The following CSMD1 variants were observed in gnomAD, a reference collection of about 807,000 sequenced individuals.
CSMD1 encodes CUB and Sushi multiple domains 1, also known as CUB and sushi domain-containing protein 1.
A neutral mutation model predicts 417.5 loss-of-function variants in CSMD1; 213 were observed. The observed-to-expected ratio is 0.51, with a 90% CI of 0.46 to 0.57. CSMD1 has a LOEUF of 0.57. CSMD1 is among the 20% of genes least tolerant of loss of function. The pLI, the probability that CSMD1 is intolerant of heterozygous loss-of-function variation, is 0.00. For synonymous variants in CSMD1, 2,862 were observed against 1,736.8 expected, an observed-to-expected ratio of 1.65 and a Z score of -16.11; for missense variants, 6,923 against 4,529.7, an observed-to-expected ratio of 1.53 and a Z score of -15.17.
chr8:4,735,334 A>G (rs1810159703), intron 1 of CSMD1, among the ~76,000 whole-genome samples: 2 of 152,188 alleles, frequency 1.3e-5, no homozygotes, highest in South Asian at 4.1e-4. Context: ...TTACCAAGCC[A>G]GGATCTAAAC....
chr8:3,042,262 A>G (rs928254863), intron 50 of CSMD1, among the ~76,000 whole-genome samples: 3 of 152,076 alleles, frequency 2.0e-5, no homozygotes, highest in African/African-American at 4.8e-5. Context: ...GCACCCTCCT[A>G]TCTAGCACAG....
intron 1 of CSMD1, among the ~76,000 whole-genome samples, chr8:4,800,701 A>T (rs1288494456): frequency 6.6e-6 from 1 of 152,192 alleles, no homozygotes; most frequent in Non-Finnish European, 1.5e-5. Context: ...TAAGTTCTGC[A>T]GCAACCCTCA....
chr8:3,455,893 T>C (rs959958654), intron 12 of CSMD1, among the ~76,000 whole-genome samples: 1 of 152,240 alleles, frequency 6.6e-6, no homozygotes, highest in African/African-American at 2.4e-5. Context: ...TGTTTGGCTA[T>C]GCCCTGCCCC....
At chr8:3,468,500 G>A (rs923258310) in intron 12 of CSMD1, among the ~76,000 whole-genome samples, 1 of 152,108 alleles carries the variant, frequency 6.6e-6, no homozygotes, top group Admixed American at 6.5e-5. Flanking sequence ...GATAATCAGA[G>A]CACATATCAT....
chr8:4,000,397 G>A (rs1037270916), intron 4 of CSMD1, among the ~76,000 whole-genome samples: 1 of 152,144 alleles, frequency 6.6e-6, no homozygotes, highest in African/African-American at 2.4e-5. Context: ...TTGTATTTTT[G>A]AACAGAGATA....
At chr8:3,239,876 T>C (rs1208513647) in intron 26 of CSMD1, among the ~76,000 whole-genome samples, 5 of 151,956 alleles carry the variant, frequency 3.3e-5, no homozygotes, top group Admixed American at 3.3e-4. Flanking sequence ...TCCAGAATAA[T>C]GTGGGAGGCT....
intron 3 of CSMD1, among the ~76,000 whole-genome samples, chr8:4,190,122 G>A (rs1798929454): frequency 6.6e-6 from 1 of 151,820 alleles, no homozygotes; most frequent in Non-Finnish European, 1.5e-5. Context: ...AGCCGGGCGT[G>A]GTGGCAGGTG....
intron 6 of CSMD1, among the ~76,000 whole-genome samples, chr8:3,747,495 TTG>T (rs139590492): frequency 0.33 from 49,537 of 151,060 alleles, 8,204 homozygotes; most frequent in Admixed American, 0.36. Context: ...AATCATACGT[TTG>T]TTTTTTTTCC....
chr8:3,760,093 T>G (rs1449272916), intron 5 of CSMD1, among the ~76,000 whole-genome samples: 2 of 151,148 alleles, frequency 1.3e-5, no homozygotes, highest in Admixed American at 6.6e-5. Context: ...AACAAGGGGG[T>G]TGAGAAGTGA....
intron 2 of CSMD1, among the ~76,000 whole-genome samples, chr8:4,509,035 A>T (rs1419212435): frequency 1.3e-5 from 2 of 152,118 alleles, no homozygotes; most frequent in African/African-American, 4.8e-5. Flanking sequence ...GAGAAGCAGG[A>T]ATTCCAGAAG....
At chr8:3,088,575 C>A (rs191544430) in intron 48 of CSMD1, among the ~76,000 whole-genome samples, 1 of 152,042 alleles carries the variant, frequency 6.6e-6, no homozygotes, top group Non-Finnish European at 1.5e-5. Flanking sequence ...CATGTTCCTA[C>A]GAGAAGTGTC....
At chr8:3,543,447 G>A (rs907189783) in intron 10 of CSMD1, among the ~76,000 whole-genome samples, 1 of 152,142 alleles carries the variant, frequency 6.6e-6, no homozygotes, top group Non-Finnish European at 1.5e-5. Context: ...AATGAGTTAG[G>A]AGAGATTTGC....
intron 10 of CSMD1, among the ~76,000 whole-genome samples, chr8:3,527,736 C>T (rs1358436465): frequency 6.6e-6 from 1 of 152,150 alleles, no homozygotes; most frequent in Non-Finnish European, 1.5e-5. Flanking sequence ...GTGGGTGAAA[C>T]GAAGACAGGA....
chr8:3,749,827 T>C (rs1380433571), intron 6 of CSMD1, among the ~76,000 whole-genome samples: 1 of 152,122 alleles, frequency 6.6e-6, no homozygotes, highest in Non-Finnish European at 1.5e-5. Context: ...ATTACTTCTA[T>C]GGTTAATGAA....
intron 40 of CSMD1, among the ~76,000 whole-genome samples, chr8:3,147,957 T>C (rs1438180653): frequency 6.6e-6 from 1 of 152,204 alleles, no homozygotes; most frequent in Non-Finnish European, 1.5e-5. Flanking sequence ...GGCTATTCTT[T>C]TGCAACCTGA....
At chr8:3,196,012 G>A (rs1315177809) in intron 33 of CSMD1, among the ~76,000 whole-genome samples, 3 of 152,136 alleles carry the variant, frequency 2.0e-5, no homozygotes, top group African/African-American at 7.2e-5. Flanking sequence ...GTCACAGGAT[G>A]AGGTAGGAGG....
intron 3 of CSMD1, among the ~76,000 whole-genome samples, chr8:4,345,750 A>G (rs921883238): frequency 6.6e-6 from 1 of 152,072 alleles, no homozygotes; most frequent in Admixed American, 6.6e-5. Flanking sequence ...CAGAACTATA[A>G]TGTGCTATCA....
intron 26 of CSMD1, among the ~76,000 whole-genome samples, chr8:3,275,650 A>C (rs992327290): frequency 4.6e-5 from 7 of 151,412 alleles, no homozygotes; most frequent in African/African-American, 1.7e-4. Context: ...TTTTCTCTAA[A>C]CTTCCCTTCT....
chr8:4,425,218 G>C (rs908657989), intron 2 of CSMD1, among the ~76,000 whole-genome samples: 1 of 151,924 alleles, frequency 6.6e-6, no homozygotes, highest in African/African-American at 2.4e-5. Context: ...TATTAGTTCA[G>C]GAAGTAGGAA....
Sources: allele counts gnomAD v4.1 joint callset (sites outside exome capture counted in the v4.1 genomes callset), GRCh38; gene constraint gnomAD v4.1.1; transcripts MANE v1.5; gene names NCBI Gene and HGNC (gene_info 2026-07-23, HGNC 2026-07-21).